The following MCU variants were observed in gnomAD, a reference collection of about 807,000 sequenced individuals.
MCU encodes the protein calcium uniporter protein, mitochondrial.
In MCU, 12 loss-of-function variants were observed where a neutral mutation model predicts 45.2. The observed-to-expected ratio is 0.27, with a 90% CI of 0.17 to 0.43. The LOEUF (loss-of-function observed/expected upper bound fraction) is 0.43, where lower values mean the gene tolerates loss of function less well. Among genes scored for constraint, MCU ranks in the 20% least tolerant of loss-of-function variants. MCU has a pLI of 1.00. For synonymous variants in MCU, 160 were observed against 165.1 expected (o/e 0.97, Z 0.24); for missense variants, 324 against 436.7 (o/e 0.74, Z 2.30).
intron 4 of MCU, among the ~76,000 whole-genome samples, chr10:72,862,267 C>T (rs1845390717): frequency 1.3e-5 from 2 of 152,118 alleles, no homozygotes. Context: ...AGGCGTGAGC[C>T]ACCGCACCCG....
chr10:72,782,647 C>A (rs1338042183), intron 1 of MCU, among the ~76,000 whole-genome samples: 2 of 152,226 alleles, frequency 1.3e-5, no homozygotes, highest in Non-Finnish European at 2.9e-5. Context: ...GGATTACAGG[C>A]ATGAGCTACC....
chr10:72,739,235 A>G (rs1245438895), intron 1 of MCU, among the ~76,000 whole-genome samples: 1 of 152,214 alleles, frequency 6.6e-6, no homozygotes, highest in Admixed American at 6.5e-5. Context: ...AAAGGCTGGA[A>G]TGACCAGTTT....
At chr10:72,720,195 TACTA>T (rs1171168362) in intron 1 of MCU, among the ~76,000 whole-genome samples, 1 of 152,170 alleles carries the variant, frequency 6.6e-6, no homozygotes, top group East Asian at 1.9e-4. Context: ...AGTGACTGCT[TACTA>T]ACTTTCAGGT....
At chr10:72,796,288 A>G (rs1844244521) in intron 1 of MCU, among the ~76,000 whole-genome samples, 1 of 152,088 alleles carries the variant, frequency 6.6e-6, no homozygotes, top group Non-Finnish European at 1.5e-5. Context: ...AAAAAAGGAA[A>G]ATTGGCCAGG....
intron 1 of MCU, among the ~76,000 whole-genome samples, chr10:72,822,160 CT>C (rs1844721842): frequency 6.6e-6 from 1 of 152,110 alleles, no homozygotes; most frequent in Non-Finnish European, 1.5e-5. Flanking sequence ...CCAATCCCAG[CT>C]ACTAGGAGGC....
At chr10:72,797,088 AG>A (rs567177567) in intron 1 of MCU, among the ~76,000 whole-genome samples, 3 of 152,138 alleles carry the variant, frequency 2.0e-5, no homozygotes, top group Non-Finnish European at 2.9e-5. Flanking sequence ...CTTATCGACT[AG>A]GTTAAGTAGC....
intron 1 of MCU, among the ~76,000 whole-genome samples, chr10:72,752,868 A>G (rs1843522721): frequency 6.6e-6 from 1 of 152,230 alleles, no homozygotes; most frequent in Non-Finnish European, 1.5e-5. Flanking sequence ...AGCAAGGTCA[A>G]ATATTCATTT....
At chr10:72,692,844 G>T in intron 1 of MCU, 1 of 1,429,938 alleles carries the variant, frequency 7.0e-7, no homozygotes, top group Non-Finnish European at 9.1e-7. Flanking sequence ...GGGTCGGGCA[G>T]GAAGGAAAAT....
chr10:72,805,125 TTC>T (rs1160267614), intron 1 of MCU, among the ~76,000 whole-genome samples: 1 of 134,406 alleles, frequency 7.4e-6, no homozygotes, highest in Admixed American at 7.5e-5. Context: ...CTTTCTTTCT[TTC>T]TTTCTTTCTT....
intron 2 of MCU, among the ~76,000 whole-genome samples, chr10:72,836,883 T>TA (rs1479262047): frequency 6.6e-6 from 1 of 152,166 alleles, no homozygotes; most frequent in African/African-American, 2.4e-5. Context: ...GCTACTCCAA[T>TA]AAGTAGAGTT....
chr10:72,802,424 A>T (rs1844357245), intron 1 of MCU, among the ~76,000 whole-genome samples: 1 of 152,070 alleles, frequency 6.6e-6, no homozygotes, highest in Non-Finnish European at 1.5e-5. Context: ...AAAAAAAAAA[A>T]AAAGATGAGT....
At chr10:72,884,487 A>G (rs968465495) in intron 7 of MCU, 105 bp downstream of exon 7, 1 of 685,958 alleles carries the variant, frequency 1.5e-6, no homozygotes, top group Non-Finnish European at 2.6e-6. Context: ...GGAATGTTCC[A>G]ACCCTCTTCT....
chr10:72,828,399 T>C (rs1844829006), intron 1 of MCU, among the ~76,000 whole-genome samples: 2 of 152,174 alleles, frequency 1.3e-5, no homozygotes, highest in African/African-American at 4.8e-5. Context: ...TTAATGAAAT[T>C]AGATCCCAAG....
chr10:72,692,714 G>C, intron 1 of MCU: 14 of 1,262,900 alleles, frequency 1.1e-5, no homozygotes, highest in Non-Finnish European at 1.4e-5. Context: ...GGGGAGTTCT[G>C]AGTTGCCGCG....
chr10:72,886,390 C>A lies in MCU; in HGVS notation c.*568C>A. 6.5e-6 allele frequency: 1 copy of A among 152,676 alleles called. No individual in the cohort carries two copies. The allele number at this position is 152,676 out of a possible 1,614,324, so 9.5% of individuals were successfully genotyped here. ...TACCTCTTGGTTACACTCATTTTTTCCATTTGATAATTGGAACCAACTTAT... is the reference window on the plus strand; with the variant it reads ...TACCTCTTGGTTACACTCATTTTTTACATTTGATAATTGGAACCAACTTAT... On this transcript the variant is annotated 3_prime_UTR_variant, in exon 8 of 8. Transcript: ENST00000373053.
intron 1 of MCU, among the ~76,000 whole-genome samples, chr10:72,701,747 G>A (rs1366999076): frequency 6.6e-6 from 1 of 151,930 alleles, no homozygotes; most frequent in Non-Finnish European, 1.5e-5. Flanking sequence ...TAGCCAGGAT[G>A]GTCTCGATCT....
chr10:72,743,025 AGG>A (rs1843357469), intron 1 of MCU, among the ~76,000 whole-genome samples: 1 of 148,220 alleles, frequency 6.7e-6, no homozygotes, highest in Non-Finnish European at 1.5e-5. Context: ...TATGAGAGAG[AGG>A]GTGAGGGGGA....
chr10:72,756,648 A>T (rs1843580612), intron 1 of MCU: 1 of 152,162 alleles, frequency 6.6e-6, no homozygotes, highest in Non-Finnish European at 1.5e-5. Flanking sequence ...GCTCAATCTG[A>T]GGAGACTCCT....
At chr10:72,876,576 T>A (rs573393890) in intron 6 of MCU, among the ~76,000 whole-genome samples, 59 of 152,230 alleles carry the variant, frequency 3.9e-4, no homozygotes, top group African/African-American at 1.4e-3. Context: ...TTCCCTCATA[T>A]CCCCATAGTA....
Sources: allele counts gnomAD v4.1 joint callset (sites outside exome capture counted in the v4.1 genomes callset), GRCh38; gene constraint gnomAD v4.1.1; transcripts MANE v1.5; gene names NCBI Gene and HGNC (gene_info 2026-07-23, HGNC 2026-07-21).